MEGF11: variants seen among roughly 807,000 people sequenced by gnomAD.
MEGF11 encodes multiple EGF like domains 11.
A neutral mutation model predicts 146.6 loss-of-function variants in MEGF11; 126 were observed. The ratio of observed to expected loss-of-function variants is 0.86; its 90% CI spans 0.74 to 1.00. The LOEUF (loss-of-function observed/expected upper bound fraction) is 1.00, where lower values mean the gene tolerates loss of function less well. Ranked by LOEUF, MEGF11 falls within the 50% of genes least tolerant of loss-of-function variation. The probability of loss-of-function intolerance (pLI) is 0.00; values close to 1 mark genes in which losing one functional copy is unlikely to be tolerated. For synonymous variants in MEGF11, 532 were observed against 583.4 expected (o/e 0.91, Z 1.27); for missense variants, 1,509 against 1,521.2 (o/e 0.99, Z 0.13).
At chr15:66,144,891 AG>A (rs963638064) in intron 1 of MEGF11, among the ~76,000 whole-genome samples, 2 of 152,236 alleles carry the variant, frequency 1.3e-5, no homozygotes, top group African/African-American at 4.8e-5. Flanking sequence ...CTGATATGCC[AG>A]GCACTGAAGA....
At chr15:66,191,870 TC>T in intron 1 of MEGF11, among the ~76,000 whole-genome samples, 1 of 149,398 alleles carries the variant, frequency 6.7e-6, no homozygotes, top group East Asian at 2.1e-4. Flanking sequence ...GGTCAAGAGA[TC>T]GAGACCATCC....
rs561790962 is a variant in MEGF11 at position 66,054,529 on chromosome 15, G to A, written c.394+39873C>T. ...TTCTTCACTTGGCAAACTCTAACTC[G>A]GTCTTTAAAAATCACCTCCAGGGGT... On this transcript the variant is annotated intron_variant, in intron 5 of 25. Coordinates refer to ENST00000395614, the MANE Select transcript of MEGF11 (RefSeq NM_001385028.1). Among the ~76,000 whole-genome samples, 70 of 152,212 alleles carry A rather than the reference G, an allele frequency of 4.6e-4. No homozygotes were observed. The South Asian group carries it at 0.014, about 31-fold the overall frequency.
chr15:66,016,479 GTTTTTTT>G (rs58588643), intron 5 of MEGF11, among the ~76,000 whole-genome samples: 31 of 127,700 alleles, frequency 2.4e-4, no homozygotes, highest in Admixed American at 1.7e-3. Flanking sequence ...CATCCATTCA[GTTTTTTT>G]TTTTTTTTTT....
At chr15:66,145,660 G>A (rs1382880367) in intron 1 of MEGF11, among the ~76,000 whole-genome samples, 2 of 152,214 alleles carry the variant, frequency 1.3e-5, no homozygotes, top group African/African-American at 2.4e-5. Context: ...AAATAACGGA[G>A]ATGGGGATGA....
At chr15:66,027,368 A>G (rs937165416) in intron 5 of MEGF11, among the ~76,000 whole-genome samples, 2 of 152,214 alleles carry the variant, frequency 1.3e-5, no homozygotes, top group Non-Finnish European at 1.5e-5. Flanking sequence ...ACCAGTGACC[A>G]CGTCAAGCTG....
At chr15:66,088,655 CAAA>C (rs5813374) in intron 5 of MEGF11, among the ~76,000 whole-genome samples, 3 of 146,204 alleles carry the variant, frequency 2.1e-5, no homozygotes, top group South Asian at 4.4e-4. Context: ...ACTTCATTCT[CAAA>C]AAAAAAAAAA....
intron 5 of MEGF11, among the ~76,000 whole-genome samples, chr15:66,046,910 A>C (rs1182846998): frequency 2.6e-5 from 4 of 152,206 alleles, no homozygotes. Context: ...ACTGTGAGGA[A>C]TGGGGACAAC....
At chr15:66,178,187 T>C (rs1045685913) in intron 1 of MEGF11, among the ~76,000 whole-genome samples, 4 of 152,148 alleles carry the variant, frequency 2.6e-5, no homozygotes, top group African/African-American at 9.7e-5. Flanking sequence ...AATCTCACGA[T>C]GTTTCCCTGG....
intron 1 of MEGF11, among the ~76,000 whole-genome samples, chr15:66,175,431 C>CAA (rs2090366945): frequency 6.6e-6 from 1 of 151,226 alleles, no homozygotes; most frequent in African/African-American, 2.5e-5. Flanking sequence ...GACTGCAAAG[C>CAA]TATAGTAACC....
intron 1 of MEGF11, among the ~76,000 whole-genome samples, chr15:66,227,208 T>C (rs1197931004): frequency 2.0e-5 from 3 of 152,082 alleles, no homozygotes; most frequent in Non-Finnish European, 2.9e-5. Context: ...CCTTCCTCCA[T>C]TACCTCACTG....
chr15:65,950,265 G>T (rs1302323835), intron 10 of MEGF11, among the ~76,000 whole-genome samples: 1 of 152,124 alleles, frequency 6.6e-6, no homozygotes, highest in African/African-American at 2.4e-5. Context: ...ATCCTACAAG[G>T]CTATGTTATT....
At chr15:66,228,750 C>G (rs1042253768) in intron 1 of MEGF11, among the ~76,000 whole-genome samples, 1 of 152,230 alleles carries the variant, frequency 6.6e-6, no homozygotes, top group Non-Finnish European at 1.5e-5. Flanking sequence ...TCCCTCTGCT[C>G]CAGGCCCAGG....
At chr15:66,116,056 G>A (rs1025550979) in intron 4 of MEGF11, among the ~76,000 whole-genome samples, 17 of 152,262 alleles carry the variant, frequency 1.1e-4, no homozygotes, top group African/African-American at 3.9e-4. Context: ...TGCAGCCCAG[G>A]TCTGCCCTCT....
intron 1 of MEGF11, among the ~76,000 whole-genome samples, chr15:66,141,233 GGTGTGTGTGTGTGTGTGTGTGT>G (rs572801225): frequency 7.2e-5 from 7 of 97,274 alleles, no homozygotes; most frequent in Admixed American, 1.2e-4. Context: ...CAGACTCAGG[GGTGTGTGTGTGTGTGTGTGTGT>G]GTGTGTGTGT....
intron 5 of MEGF11, among the ~76,000 whole-genome samples, chr15:66,071,809 A>G (rs1464941382): frequency 1.3e-5 from 2 of 152,208 alleles, no homozygotes; most frequent in Non-Finnish European, 1.5e-5. Flanking sequence ...CTCCCTGCCC[A>G]TAGTTCTTTT....
chr15:66,146,740 C>T (rs1370539413), intron 1 of MEGF11, among the ~76,000 whole-genome samples: 1 of 152,246 alleles, frequency 6.6e-6, no homozygotes, highest in Non-Finnish European at 1.5e-5. Context: ...TGGCATCAGT[C>T]CACGGAGGCA....
chr15:65,969,888 C>CTGGAA (rs1432482267), intron 8 of MEGF11, among the ~76,000 whole-genome samples: 1 of 151,992 alleles, frequency 6.6e-6, no homozygotes, highest in Non-Finnish European at 1.5e-5. Context: ...CTGTGGGTTT[C>CTGGAA]AAATATCTTT....
chr15:65,998,415 T>C (rs1442026244), intron 5 of MEGF11, among the ~76,000 whole-genome samples: 1 of 152,048 alleles, frequency 6.6e-6, no homozygotes. Flanking sequence ...GGAGGAGCAG[T>C]TGGGGCAGCT....
intron 5 of MEGF11, among the ~76,000 whole-genome samples, chr15:66,002,189 A>T (rs930737718): frequency 3.3e-5 from 5 of 152,150 alleles, no homozygotes; most frequent in African/African-American, 1.2e-4. Flanking sequence ...CTCATGGCGC[A>T]AGCTGTCTCC....
Sources: gnomAD v4.1 joint callset for allele counts (sites outside exome capture counted in the v4.1 genomes callset) on GRCh38, gnomAD v4.1.1 for gene constraint, MANE v1.5 for transcripts, NCBI Gene and HGNC (gene_info 2026-07-23, HGNC 2026-07-21) for gene names.